The following NLGN1 variants were observed in gnomAD, a reference collection of about 807,000 sequenced individuals.
NLGN1 encodes the protein neuroligin 1.
NLGN1 carries 12 observed loss-of-function variants against 65.5 expected under a neutral mutation model. That is an observed-to-expected ratio of 0.18 (90% CI 0.12 to 0.30). The LOEUF is 0.30. Ranked by LOEUF, NLGN1 falls within the 10% of genes least tolerant of loss-of-function variation. The pLI is 1.00. For missense variants in NLGN1, 750 were observed against 1,007.1 expected (o/e 0.74, Z 3.46); for synonymous variants, 350 against 359.5 (o/e 0.97, Z 0.30).
chr3:173,584,072 C>CAA (rs561995466), intron 2 of NLGN1, among the ~76,000 whole-genome samples: 6,446 of 125,332 alleles, frequency 0.051, 163 homozygotes, highest in Middle Eastern at 0.16. Flanking sequence ...TTTTTGTAGA[C>CAA]AAAAAAAAAA....
intron 4 of NLGN1, among the ~76,000 whole-genome samples, chr3:173,828,335 C>G (rs1464307065): frequency 1.3e-5 from 2 of 151,954 alleles, no homozygotes; most frequent in East Asian, 3.9e-4. Flanking sequence ...TTGTTACAAA[C>G]TAGGAGGTCT....
intron 4 of NLGN1, among the ~76,000 whole-genome samples, chr3:174,049,822 A>G (rs1397899678): frequency 1.3e-5 from 2 of 152,142 alleles, no homozygotes; most frequent in Non-Finnish European, 2.9e-5. Context: ...GTTTAAGAAT[A>G]CAGAGAGGGA....
intron 4 of NLGN1, among the ~76,000 whole-genome samples, chr3:173,873,289 A>G (rs545168689): frequency 3.3e-5 from 5 of 151,938 alleles, no homozygotes; most frequent in East Asian, 1.9e-4. Context: ...GGGTTTCACC[A>G]TGTTACCCAG....
At chr3:173,998,149 G>A (rs911545641) in intron 4 of NLGN1, among the ~76,000 whole-genome samples, 4 of 152,096 alleles carry the variant, frequency 2.6e-5, no homozygotes, top group Non-Finnish European at 2.9e-5. Context: ...ATAGCTCTTC[G>A]TGTGTTACCT....
intron 3 of NLGN1, among the ~76,000 whole-genome samples, chr3:173,787,402 C>CT (rs542011706): frequency 1.6e-3 from 245 of 152,136 alleles, no homozygotes; most frequent in African/African-American, 4.9e-3. Context: ...TAAAAATACA[C>CT]TTTTTTGTAG....
intron 3 of NLGN1, among the ~76,000 whole-genome samples, chr3:173,719,417 A>T (rs1449897203): frequency 6.6e-6 from 1 of 152,156 alleles, no homozygotes; most frequent in Admixed American, 6.6e-5. Context: ...TGACCGTCCC[A>T]GTATCTGGTC....
chr3:173,594,948 T>C (rs1021618035), intron 2 of NLGN1, among the ~76,000 whole-genome samples: 1 of 152,088 alleles, frequency 6.6e-6, no homozygotes, highest in Non-Finnish European at 1.5e-5. Context: ...AGTCTGTAGA[T>C]TGCACACAGC....
At chr3:173,906,667 C>T (rs1306038603) in intron 4 of NLGN1, among the ~76,000 whole-genome samples, 2 of 151,888 alleles carry the variant, frequency 1.3e-5, no homozygotes, top group East Asian at 1.9e-4. Flanking sequence ...ATTTCTTTCC[C>T]TTCTGTGTCC....
chr3:173,855,682 C>T (rs1373315915), intron 4 of NLGN1, among the ~76,000 whole-genome samples: 1 of 152,068 alleles, frequency 6.6e-6, no homozygotes, highest in African/African-American at 2.4e-5. Flanking sequence ...CACCAAACGT[C>T]TATTATTCAA....
At chr3:174,092,704 T>C (rs935623115) in intron 4 of NLGN1, among the ~76,000 whole-genome samples, 17 of 152,142 alleles carry the variant, frequency 1.1e-4, no homozygotes, top group Admixed American at 2.0e-4. Context: ...TCTGCTGCCA[T>C]ATATGCACTC....
intron 3 of NLGN1, among the ~76,000 whole-genome samples, chr3:173,685,281 G>A (rs1764524983): frequency 6.6e-6 from 1 of 152,144 alleles, no homozygotes; most frequent in African/African-American, 2.4e-5. Flanking sequence ...TAGAAGCCCT[G>A]TGGACAAGAA....
chr3:173,828,042 T>A (rs1398588847), intron 4 of NLGN1, among the ~76,000 whole-genome samples: 3 of 152,064 alleles, frequency 2.0e-5, no homozygotes, highest in Non-Finnish European at 2.9e-5. Context: ...CTTAGCCCAG[T>A]CACATTGACA....
At chr3:173,818,327 G>T (rs1719460016) in intron 4 of NLGN1, among the ~76,000 whole-genome samples, 1 of 152,122 alleles carries the variant, frequency 6.6e-6, no homozygotes, top group Non-Finnish European at 1.5e-5. Flanking sequence ...AGAACGATGT[G>T]CTACAAAAAT....
At chr3:173,614,620 C>T (rs1383447996) in intron 3 of NLGN1, among the ~76,000 whole-genome samples, 2 of 152,050 alleles carry the variant, frequency 1.3e-5, no homozygotes, top group Non-Finnish European at 1.5e-5. Flanking sequence ...GGAGGCAGAT[C>T]CTGAGGTTTC....
intron 4 of NLGN1, among the ~76,000 whole-genome samples, chr3:174,145,740 T>A (rs538974836): frequency 8.3e-4 from 127 of 152,350 alleles, no homozygotes; most frequent in Non-Finnish European, 1.4e-3. Context: ...TCTTGATTAG[T>A]AAAATTATAA....
At chr3:173,557,741 A>G (rs113812108) in intron 2 of NLGN1, among the ~76,000 whole-genome samples, 9 of 152,040 alleles carry the variant, frequency 5.9e-5, no homozygotes, top group African/African-American at 1.4e-4. Flanking sequence ...ATTTATTCCT[A>G]TGTTAGTAAC....
rs78833167 is a variant in NLGN1 at position 173,966,408 on chromosome 3, A to G, written c.646+158576A>G. Among the ~76,000 whole-genome samples the G allele has an allele frequency of 8.9e-4, 135 of 152,344 alleles. 1 individual carries two copies. The East Asian group carries it at 0.024, about 27-fold the overall frequency. ...GAAGGTCAATCTTGAAGGGGCTAGC[A>G]TTAGAAACATGTTACTGTGTCATCT... On this transcript the variant is annotated intron_variant, in intron 4 of 6. Coordinates refer to ENST00000457714, the Ensembl canonical transcript of NLGN1.
intron 1 of NLGN1, among the ~76,000 whole-genome samples, chr3:173,427,291 C>G (rs484852): frequency 1.3e-5 from 2 of 151,532 alleles, no homozygotes; most frequent in Non-Finnish European, 1.5e-5. Flanking sequence ...TTTCTATTTT[C>G]TTTTTCATCT....
intron 4 of NLGN1, among the ~76,000 whole-genome samples, chr3:174,241,804 G>A (rs990923875): frequency 3.9e-5 from 6 of 152,000 alleles, no homozygotes; most frequent in Non-Finnish European, 7.4e-5. Flanking sequence ...GACTACAGGC[G>A]CCCGCCACCA....
Sources: gnomAD v4.1 joint callset for allele counts (sites outside exome capture counted in the v4.1 genomes callset) on GRCh38, gnomAD v4.1.1 for gene constraint, MANE v1.5 for transcripts, NCBI Gene and HGNC (gene_info 2026-07-23, HGNC 2026-07-21) for gene names.